The following SPAG16 variants were observed in gnomAD, a reference collection of about 807,000 sequenced individuals.
SPAG16 encodes sperm-associated antigen 16 protein.
Under a neutral mutation model 80.4 loss-of-function variants are expected in SPAG16, and 86 were observed. That is an observed-to-expected ratio of 1.07 (90% CI 0.90 to 1.28). The LOEUF is 1.28. Among genes scored for constraint, SPAG16 ranks in the 50% most tolerant of loss-of-function variants. The probability of loss-of-function intolerance (pLI) is 0.00; values close to 1 mark genes in which losing one functional copy is unlikely to be tolerated. For missense variants in SPAG16, 870 were observed against 765.3 expected, an observed-to-expected ratio of 1.14 and a Z score of -1.61; for synonymous variants, 294 against 265.9, an observed-to-expected ratio of 1.11 and a Z score of -1.03.
At chr2:214,323,263 C>G (rs1464706359) in intron 15 of SPAG16, among the ~76,000 whole-genome samples, 1 of 152,016 alleles carries the variant, frequency 6.6e-6, no homozygotes, top group African/African-American at 2.4e-5. Context: ...ACCTGGCACA[C>G]TTCTGTGTGC....
chr2:213,308,759 C>T (rs573891406), intron 3 of SPAG16, among the ~76,000 whole-genome samples: 28 of 152,156 alleles, frequency 1.8e-4, no homozygotes, highest in African/African-American at 4.3e-4. Context: ...GGTGGTATTC[C>T]GTGTTTTGTA....
At chr2:213,781,264 T>C (rs2069945392) in intron 10 of SPAG16, among the ~76,000 whole-genome samples, 1 of 152,186 alleles carries the variant, frequency 6.6e-6, no homozygotes, top group South Asian at 2.1e-4. Flanking sequence ...TCTTCTCCAT[T>C]ATGGAGAGGG....
chr2:213,838,584 C>T (rs1013107278), intron 10 of SPAG16, among the ~76,000 whole-genome samples: 1 of 152,162 alleles, frequency 6.6e-6, no homozygotes, highest in Non-Finnish European at 1.5e-5. Flanking sequence ...ATTTAAAGAT[C>T]TTAATTAGCT....
intron 11 of SPAG16, among the ~76,000 whole-genome samples, chr2:213,929,488 A>T (rs987218584): frequency 1.3e-5 from 2 of 152,134 alleles, no homozygotes; most frequent in African/African-American, 4.8e-5. Flanking sequence ...TTCCTGATTC[A>T]CTTCTTCCTT....
intron 15 of SPAG16, among the ~76,000 whole-genome samples, chr2:214,182,000 C>T (rs2057322926): frequency 6.6e-6 from 1 of 151,774 alleles, no homozygotes; most frequent in African/African-American, 2.4e-5. Flanking sequence ...ACAGAAAATG[C>T]AACAGTGATT....
intron 10 of SPAG16, among the ~76,000 whole-genome samples, chr2:213,815,983 T>A (rs2072508817): frequency 6.6e-6 from 1 of 152,094 alleles, no homozygotes; most frequent in South Asian, 2.1e-4. Flanking sequence ...AAATATTCTA[T>A]TGAAGATTAA....
intron 10 of SPAG16, among the ~76,000 whole-genome samples, chr2:213,844,459 C>A (rs2074513218): frequency 6.6e-6 from 1 of 152,084 alleles, no homozygotes; most frequent in Non-Finnish European, 1.5e-5. Flanking sequence ...TAACAGGTAA[C>A]AGATGATTAG....
chr2:214,299,948 G>A (rs1000005185), intron 15 of SPAG16, among the ~76,000 whole-genome samples: 3 of 152,054 alleles, frequency 2.0e-5, no homozygotes, highest in African/African-American at 4.8e-5. Flanking sequence ...AAGGTACAAG[G>A]CCATTTTTAA....
At chr2:213,563,588 C>G (rs2059664154) in intron 10 of SPAG16, among the ~76,000 whole-genome samples, 1 of 152,154 alleles carries the variant, frequency 6.6e-6, no homozygotes, top group Non-Finnish European at 1.5e-5. Flanking sequence ...AAAAGGCCAC[C>G]AATCCTATTG....
At chr2:214,299,800 G>A (rs1290654281) in intron 15 of SPAG16, among the ~76,000 whole-genome samples, 1 of 152,058 alleles carries the variant, frequency 6.6e-6, no homozygotes, top group Non-Finnish European at 1.5e-5. Context: ...ATTTATCTAT[G>A]CCTGTAGATA....
chr2:213,714,889 A>G (rs1319543668), intron 10 of SPAG16, among the ~76,000 whole-genome samples: 23 of 152,300 alleles, frequency 1.5e-4, no homozygotes, highest in Middle Eastern at 3.4e-3. Flanking sequence ...GACATCGGGA[A>G]CCCAACCCCC....
chr2:213,300,313 A>T (rs1450677015), intron 3 of SPAG16, among the ~76,000 whole-genome samples: 1 of 151,964 alleles, frequency 6.6e-6, no homozygotes, highest in Non-Finnish European at 1.5e-5. Context: ...AGTAGAATTT[A>T]TGGAATTTCT....
At chr2:214,207,855 C>A (rs189055888) in intron 15 of SPAG16, among the ~76,000 whole-genome samples, 41 of 152,326 alleles carry the variant, frequency 2.7e-4, no homozygotes, top group African/African-American at 9.1e-4. Flanking sequence ...TTCTCCTGTC[C>A]TGGATGCTTC....
At chr2:214,105,453 T>C (rs2053333581) in intron 13 of SPAG16, among the ~76,000 whole-genome samples, 1 of 152,216 alleles carries the variant, frequency 6.6e-6, no homozygotes, top group South Asian at 2.1e-4. Flanking sequence ...TATCTCATTG[T>C]ACATATCAGG....
At chr2:213,655,558 G>T (rs2063190715) in intron 10 of SPAG16, among the ~76,000 whole-genome samples, 1 of 152,204 alleles carries the variant, frequency 6.6e-6, no homozygotes, top group East Asian at 1.9e-4. Context: ...GCTGTTGGAA[G>T]TTAGGATAAC....
At chr2:213,284,653 T>G (rs759712730) in intron 1 of SPAG16, 34 bp downstream of exon 1, 13 of 1,594,200 alleles carry the variant, frequency 8.2e-6, no homozygotes, top group Non-Finnish European at 1.0e-5. Flanking sequence ...CCCGCTGCGC[T>G]GGCGGGTAAT....
At chr2:213,828,127 T>C (rs537607559) in intron 10 of SPAG16, among the ~76,000 whole-genome samples, 1 of 152,248 alleles carries the variant, frequency 6.6e-6, no homozygotes, top group East Asian at 1.9e-4. Context: ...TTCTCTCTAC[T>C]ACCTCTTTTT....
In SPAG16 at chr2:213,792,607, C is replaced by T. The variant is rs113444614; in HGVS notation, c.1071-69878C>T. ...TTTTTTTTTTTTTTTTTTTGGAGACCGGGTCTCACTCTCTTGCCCAGGCTG... is the reference window on the plus strand; with the variant it reads ...TTTTTTTTTTTTTTTTTTTGGAGACTGGGTCTCACTCTCTTGCCCAGGCTG... On this transcript the variant is annotated intron_variant, in intron 10 of 15. Transcript: ENST00000331683. Among the ~76,000 whole-genome samples the T allele has an allele frequency of 1.8e-3, 233 of 129,044 alleles. 2 individuals carry two copies. Among genetic ancestry groups the T allele is most frequent in the African/African-American group, 6.5e-3 (217 of 33,160 alleles). 84.7% of individuals were successfully genotyped at this position (129,044 alleles called of 152,430 possible).
At chr2:213,397,352 A>G (rs2068092523) in intron 9 of SPAG16, among the ~76,000 whole-genome samples, 2 of 152,170 alleles carry the variant, frequency 1.3e-5, no homozygotes, top group African/African-American at 4.8e-5. Flanking sequence ...AGGTCCTGAA[A>G]GTCAGATAAG....
Sources: allele counts gnomAD v4.1 joint callset (sites outside exome capture counted in the v4.1 genomes callset), GRCh38; gene constraint gnomAD v4.1.1; transcripts MANE v1.5; gene names NCBI Gene and HGNC (gene_info 2026-07-23, HGNC 2026-07-21).